ST8SIA6: variants seen among roughly 807,000 people sequenced by gnomAD.
ST8SIA6 encodes the protein ST8 alpha-N-acetyl-neuraminide alpha-2,8-sialyltransferase 6.
A neutral mutation model predicts 33.6 loss-of-function variants in ST8SIA6; 39 were observed. The observed-to-expected ratio is 1.16, with a 90% CI of 0.90 to 1.52. The LOEUF is 1.52. Among genes scored for constraint, ST8SIA6 ranks in the 40% most tolerant of loss-of-function variants. The pLI is 0.00. For missense variants in ST8SIA6, 441 were observed against 443.8 expected, an observed-to-expected ratio of 0.99 and a Z score of 0.06; for synonymous variants, 172 against 167.2, an observed-to-expected ratio of 1.03 and a Z score of -0.22.
chr10:17,367,558 G>A (rs1376950103), intron 3 of ST8SIA6, among the ~76,000 whole-genome samples: 4 of 152,046 alleles, frequency 2.6e-5, no homozygotes, highest in African/African-American at 7.2e-5. Context: ...AGGATAAAGA[G>A]AATCAATAAA....
intron 2 of ST8SIA6, among the ~76,000 whole-genome samples, chr10:17,420,775 C>T (rs1452675874): frequency 6.6e-6 from 1 of 152,200 alleles, no homozygotes; most frequent in Non-Finnish European, 1.5e-5. Flanking sequence ...CTATAAAGAA[C>T]TGCCTGAGAC....
rs531280924 is a variant in ST8SIA6, at chr10:17,452,310, C to G, written c.200+1249G>C. Among the ~76,000 whole-genome samples, 10 of 152,224 alleles carry G rather than the reference C, an allele frequency of 6.6e-5. No homozygotes were observed. In the South Asian group the frequency reaches 1.5e-3, roughly 22 times the overall value. ...GCCACTTCCAGACCCTTCTTAGAGC[C>G]GTGCTAGAGCTTCCTGGAGTTACAC... On this transcript the variant is annotated intron_variant, in intron 2 of 7. Transcript: ENST00000377602.
At chr10:17,448,774 C>T (rs973977728) in intron 2 of ST8SIA6, among the ~76,000 whole-genome samples, 4 of 149,014 alleles carry the variant, frequency 2.7e-5, no homozygotes, top group Non-Finnish European at 5.9e-5. Flanking sequence ...CGCCACCACG[C>T]CAGGCTAATT....
chr10:17,411,172 T>TTGTGTG (rs72283269), intron 2 of ST8SIA6, among the ~76,000 whole-genome samples: 213 of 150,064 alleles, frequency 1.4e-3, no homozygotes, highest in African/African-American at 4.7e-3. Context: ...CTTGAACTCT[T>TTGTGTG]TGTGTGTGTG....
Position 17,321,157 on chromosome 10 carries a change from A to G in ST8SIA6, c.918T>C (p.Asp306=), listed in dbSNP as rs1847930673. The change falls in exon 8 of 8, where the codon GAT becomes GAC. Residue 306 remains aspartate (D), a synonymous_variant. Transcript: ENST00000377602. ...CTTTAGTTCTCCAGAAAAGGGCCAGATCTTTCAGGTACTTGGGATGGAAAA... is the reference window on the plus strand; with the variant it reads ...CTTTAGTTCTCCAGAAAAGGGCCAGGTCTTTCAGGTACTTGGGATGGAAAA... ...VLFFHPKYLK[D]LALFWRTKGV... 6.2e-7 allele frequency: 1 copy of G among 1,613,978 alleles called. No individual in the cohort carries two copies. Among genetic ancestry groups the G allele is most frequent in the Admixed American group, 1.7e-5 (1 of 59,994 alleles).
chr10:17,415,632 C>T (rs953764507), intron 2 of ST8SIA6, among the ~76,000 whole-genome samples: 1 of 152,002 alleles, frequency 6.6e-6, no homozygotes, highest in Non-Finnish European at 1.5e-5. Flanking sequence ...TGCACGCATA[C>T]ACATAATATA....
Position 17,331,442 on chromosome 10 carries a change from G to A in ST8SIA6, c.488C>T (p.Pro163Leu). 1.9e-6 allele frequency: 3 copies of A among 1,613,288 alleles called. No homozygotes were observed. The highest frequency in any genetic ancestry group is 2.5e-6 in the Non-Finnish European group (3 of 1,179,718). Residue 163 changes from proline to leucine, a missense_variant, in exon 5 of 8, where the codon CCA (proline) becomes CTA (leucine). Coordinates refer to ENST00000377602, the MANE Select transcript of ST8SIA6 (RefSeq NM_001004470.3). Reference sequence around the variant, plus strand: ...CATATGAAAAATGTTCTTCTTAATTGGGATTTCTTTTTTGCTTTCCACCTC... The same window carrying A: ...CATATGAAAAATGTTCTTCTTAATTAGGATTTCTTTTTTGCTTTCCACCTC... ...SYEVESKKEIPIKKNIFHMFP... is the reference protein window; with the variant it reads ...SYEVESKKEILIKKNIFHMFP...
At chr10:17,419,423 T>C (rs1235788202) in intron 2 of ST8SIA6, among the ~76,000 whole-genome samples, 1 of 151,986 alleles carries the variant, frequency 6.6e-6, no homozygotes, top group East Asian at 1.9e-4. Flanking sequence ...TCCCAGCTAC[T>C]TGGAAGGCTG....
At chr10:17,361,517 A>AACACACACACACACAC (rs35428636) in intron 3 of ST8SIA6, among the ~76,000 whole-genome samples, 1 of 146,098 alleles carries the variant, frequency 6.8e-6, no homozygotes, top group Non-Finnish European at 1.5e-5. Context: ...CTTCCTACAA[A>AACACACACACACACAC]ACACACACAC....
intron 6 of ST8SIA6, among the ~76,000 whole-genome samples, chr10:17,323,516 C>G (rs1164428539): frequency 6.6e-6 from 1 of 151,112 alleles, no homozygotes; most frequent in Non-Finnish European, 1.5e-5. Flanking sequence ...TGCCTCAGCC[C>G]CCTGAGTAGC....
intron 4 of ST8SIA6, among the ~76,000 whole-genome samples, chr10:17,335,282 T>C (rs1848463922): frequency 6.6e-6 from 1 of 152,254 alleles, no homozygotes; most frequent in South Asian, 2.1e-4. Context: ...GCAAGAAATG[T>C]TGATGGTAGT....
chr10:17,434,603 A>G (rs964966397), intron 2 of ST8SIA6, among the ~76,000 whole-genome samples: 3 of 152,154 alleles, frequency 2.0e-5, no homozygotes, highest in African/African-American at 4.8e-5. Context: ...ACTTGCTCTT[A>G]ATGAAACTCA....
At chr10:17,396,836 C>A (rs1172661299) in intron 2 of ST8SIA6, among the ~76,000 whole-genome samples, 22 of 152,180 alleles carry the variant, frequency 1.4e-4, no homozygotes, top group Non-Finnish European at 2.9e-5. Context: ...ATCCACTAAA[C>A]CATTCTTGGA....
intron 3 of ST8SIA6, among the ~76,000 whole-genome samples, chr10:17,363,208 G>A (rs747783655): frequency 6.6e-6 from 1 of 152,092 alleles, no homozygotes; most frequent in Non-Finnish European, 1.5e-5. Flanking sequence ...GAATTCTCAC[G>A]TTAGAGCTCA....
chr10:17,372,485 T>C (rs747912762), intron 3 of ST8SIA6, among the ~76,000 whole-genome samples: 5 of 152,254 alleles, frequency 3.3e-5, no homozygotes, highest in Non-Finnish European at 5.9e-5. Context: ...GCTGATGTTC[T>C]GCAAGCCAAC....
intron 2 of ST8SIA6, among the ~76,000 whole-genome samples, chr10:17,392,352 G>T (rs193242577): frequency 6.6e-6 from 1 of 152,160 alleles, no homozygotes; most frequent in Admixed American, 6.5e-5. Context: ...TGGGTAGTGC[G>T]TTCAAGGCAG....
chr10:17,336,720 A>T (rs1848510694), intron 4 of ST8SIA6, among the ~76,000 whole-genome samples: 1 of 150,982 alleles, frequency 6.6e-6, no homozygotes. Context: ...CAGCCTCCCG[A>T]ATAGATGTGA....
rs1400271128 is a variant in ST8SIA6 at position 17,318,888 on chromosome 10, A to G, written c.*1990T>C. On this transcript the variant is annotated 3_prime_UTR_variant, in exon 8 of 8. Transcript: ENST00000377602. The stretch of plus-strand genomic sequence containing the variant: ...GTAATGTTCTGTTTTGGAACAAAAG[A>G]ACATTATTGGCACCTCACAGCAGGA... 6.6e-6 allele frequency among the ~76,000 whole-genome samples: 1 copy of G among 152,210 alleles called. No individual in the cohort carries two copies. The highest frequency in any genetic ancestry group is 1.5e-5 in the Non-Finnish European group (1 of 68,036).
chr10:17,396,998 GTTTC>G lies in ST8SIA6; in HGVS notation c.201-6382_201-6379del, dbSNP rs149465527. On this transcript the variant is annotated intron_variant, in intron 2 of 7. Transcript: ENST00000377602. ...GACTACTACTCAGGGTCCTTTCGCAGTTTCTTTCTTGGGCCAGTGCATAAGAGTG... is the reference window on the plus strand; with the variant it reads ...GACTACTACTCAGGGTCCTTTCGCAGTTTCTTGGGCCAGTGCATAAGAGTG... 9.7e-3 allele frequency among the ~76,000 whole-genome samples: 1,476 copies of G among 152,216 alleles called. 16 individuals carry two copies. Among genetic ancestry groups the G allele is most frequent in the African/African-American group, 0.034 (1,404 of 41,536 alleles).
Sources: gnomAD v4.1 joint callset for allele counts (sites outside exome capture counted in the v4.1 genomes callset) on GRCh38, gnomAD v4.1.1 for gene constraint, MANE v1.5 for transcripts, NCBI Gene and HGNC (gene_info 2026-07-23, HGNC 2026-07-21) for gene names.